The following TMEM183A variants were observed in gnomAD, a reference collection of about 807,000 sequenced individuals.
TMEM183A encodes chromosome 1 open reading frame 37.
Under a neutral mutation model 46.7 loss-of-function variants are expected in TMEM183A, and 21 were observed. The ratio of observed to expected loss-of-function variants is 0.45; its 90% CI spans 0.32 to 0.65. TMEM183A has a LOEUF of 0.65. Ranked by LOEUF, TMEM183A falls within the 30% of genes least tolerant of loss-of-function variation. TMEM183A has a pLI of 0.04. For synonymous variants in TMEM183A, 165 were observed against 180.2 expected, an observed-to-expected ratio of 0.92 and a Z score of 0.68; for missense variants, 331 against 481.9, an observed-to-expected ratio of 0.69 and a Z score of 2.93.
chr1:203,012,148 TCACACACACACA>T (rs767000280), intron 3 of TMEM183A, among the ~76,000 whole-genome samples: 1,627 of 79,442 alleles, frequency 0.02, 39 homozygotes, highest in African/African-American at 0.038. Context: ...CCCCACTCCA[TCACACACACACA>T]CACACACACA....
At position 203,007,814 on chromosome 1, in the gene TMEM183A, G is replaced by C; in HGVS notation, c.150G>C (p.Val50=). ...ADYANSDPAV[V]RSGRVKKAVA... ...ACGCCAACTCGGATCCGGCGGTCGT[G>C]AGGTCTGGACGAGTCAAGAAAGCCG... is the stretch of plus-strand genomic sequence containing the variant. The change falls in exon 2 of 8, where the codon GTG becomes GTC. Residue 50 remains valine (V), a synonymous_variant. Transcript: ENST00000367242. The C allele has an allele frequency of 1.2e-6, 2 of 1,614,026 alleles. No individual in the cohort carries two copies. Among genetic ancestry groups the C allele is most frequent in the Middle Eastern group, 1.7e-4 (1 of 6,056 alleles).
Position 203,023,198 on chromosome 1 carries a change from G to A in TMEM183A, c.*158G>A, listed in dbSNP as rs1204190187. On this transcript the variant is annotated 3_prime_UTR_variant, in exon 8 of 8. Transcript: ENST00000367242. ...AGGGGAGGGAGAAATGTTGAATCAAGAGGGAAAACAACTACTATGATTTAT... is the reference window on the plus strand; with the variant it reads ...AGGGGAGGGAGAAATGTTGAATCAAAAGGGAAAACAACTACTATGATTTAT... 1 of 524,386 alleles carries A rather than the reference G, an allele frequency of 1.9e-6. No homozygotes were observed. The highest frequency in any genetic ancestry group is 3.3e-6 in the Non-Finnish European group (1 of 307,232). 32.5% of individuals were successfully genotyped at this position (524,386 alleles called of 1,614,324 possible). A position where few individuals can be genotyped will look rare whatever the true frequency, so the allele number is the denominator to read the frequency against.
Position 203,020,956 on chromosome 1 carries a change from G to C in TMEM183A, c.945+8G>C, listed in dbSNP as rs748407328. 4 of 1,583,466 alleles carry C rather than the reference G, an allele frequency of 2.5e-6. No homozygotes were observed. The East Asian group carries it at 9.2e-5, about 36-fold the overall frequency. Reference sequence around the variant, plus strand: ...GGAATGATATTTACTCTGGTAAGTGGGGACTCAGGATGTCATTCTCAGCTC... The same window carrying C: ...GGAATGATATTTACTCTGGTAAGTGCGGACTCAGGATGTCATTCTCAGCTC... On this transcript the variant is annotated splice_region_variant and intron_variant, in intron 7 of 7. Transcript: ENST00000367242.
At position 203,008,537 on chromosome 1, in the gene TMEM183A, GT is replaced by G. The variant is rs3834027; in HGVS notation, c.200-98del. 575 of 944,364 alleles carry G rather than the reference GT, an allele frequency of 6.1e-4. 1 individual carries two copies. The highest frequency in any genetic ancestry group is 7.7e-4 in the Non-Finnish European group (548 of 713,312). 58.5% of individuals were successfully genotyped at this position (944,364 alleles called of 1,614,324 possible). A position where few individuals can be genotyped will look rare whatever the true frequency, so the allele number is the denominator to read the frequency against. On this transcript the variant is annotated intron_variant, in intron 2 of 7. Coordinates refer to ENST00000367242, the MANE Select transcript of TMEM183A (RefSeq NM_138391.6). The stretch of plus-strand genomic sequence containing the variant: ...ATTCTCACCTTTCTCTCTCAACGAT[GT>G]TTTTTTTCCCCCCTTTCCTGAATGG...
At chr1:203,017,810 CCCCTTAA>C in intron 5 of TMEM183A, 1 of 985,514 alleles carries the variant, frequency 1.0e-6, no homozygotes, top group Non-Finnish European at 1.2e-6. Flanking sequence ...GAAGTGTTTT[CCCCTTAA>C]AGCCAAGCCC....
intron 1 of TMEM183A, 35 bp downstream of exon 1, chr1:203,007,609 G>A (rs758853382): frequency 6.5e-7 from 1 of 1,530,602 alleles, no homozygotes; most frequent in Non-Finnish European, 8.8e-7. Flanking sequence ...GAAACATTTT[G>A]GGGGCTGGCG....
At chr1:203,007,979 A>G in intron 2 of TMEM183A, 116 bp downstream of exon 2, 1 of 1,304,522 alleles carries the variant, frequency 7.7e-7, no homozygotes, top group African/African-American at 1.5e-5. Context: ...TGCTTTCGTT[A>G]GTGTTAACTT....
chr1:203,011,840 A>G (rs1470594629), intron 3 of TMEM183A, among the ~76,000 whole-genome samples: 3 of 141,562 alleles, frequency 2.1e-5, no homozygotes, highest in South Asian at 2.3e-4. Flanking sequence ...CTTTACCTCC[A>G]TTAGGTTTCT....
intron 3 of TMEM183A, among the ~76,000 whole-genome samples, chr1:203,009,316 T>C (rs1656319330): frequency 6.6e-6 from 1 of 152,128 alleles, no homozygotes; most frequent in African/African-American, 2.4e-5. Flanking sequence ...TTGTGGGAAA[T>C]AGAAAAGTAG....
At chr1:203,015,806 G>A (rs969702313) in intron 4 of TMEM183A, 154 bp from the exon 5 acceptor site, 1 of 916,070 alleles carries the variant, frequency 1.1e-6, no homozygotes, top group African/African-American at 1.7e-5. Flanking sequence ...AGACGTAAAA[G>A]TCGCCAAGAG....
rs1656901029 is a variant in TMEM183A, at chr1:203,013,797, G to C, written c.368-1092G>C. ...CAAAGTGTTGGGATTACAGGCGTGAGCCACCGTGCCCGGCCTAAGTGCCAT... is the reference window on the plus strand; with the variant it reads ...CAAAGTGTTGGGATTACAGGCGTGACCCACCGTGCCCGGCCTAAGTGCCAT... On this transcript the variant is annotated intron_variant, in intron 3 of 7. Coordinates refer to ENST00000367242, the MANE Select transcript of TMEM183A (RefSeq NM_138391.6). The surrounding 1 kb of genome is among the most constrained non-coding windows in gnomAD (Gnocchi z 4.0). Among the ~76,000 whole-genome samples the C allele has an allele frequency of 6.6e-6, 1 of 151,324 alleles. No individual in the cohort carries two copies. The highest frequency in any genetic ancestry group is 2.1e-4 in the South Asian group (1 of 4,788).
chr1:203,017,031 TA>T (rs1657232053), intron 5 of TMEM183A, among the ~76,000 whole-genome samples: 1 of 152,198 alleles, frequency 6.6e-6, no homozygotes, highest in Non-Finnish European at 1.5e-5. Context: ...ATATCCTACC[TA>T]ATACATATTA....
intron 4 of TMEM183A, 23 bp downstream of exon 4, chr1:203,015,071 C>CT: frequency 6.2e-7 from 1 of 1,607,140 alleles, no homozygotes; most frequent in Non-Finnish European, 8.5e-7. Context: ...AGAGCTCACT[C>CT]TTTTATCTGT....
rs139368177 is a variant in TMEM183A, at chr1:203,011,403, C to A, written c.367+2593C>A. 2.8e-3 allele frequency among the ~76,000 whole-genome samples: 428 copies of A among 152,040 alleles called. 2 individuals carry two copies. The highest frequency in any genetic ancestry group is 8.8e-3 in the African/African-American group (365 of 41,478). On this transcript the variant is annotated intron_variant, in intron 3 of 7. Transcript: ENST00000367242. ...CATTTTTAAATTGGGTTATCTTCTT[C>A]TTATTATTTTTTTATTTTTTGAGAT...
chr1:203,021,080 G>C, intron 7 of TMEM183A, 132 bp downstream of exon 7: 1 of 1,021,918 alleles, frequency 9.8e-7, no homozygotes, highest in East Asian at 2.8e-5. Context: ...CACTCAGGCT[G>C]AAGTGCAGTG....
chr1:203,022,628 A>G (rs1338674604), intron 7 of TMEM183A, among the ~76,000 whole-genome samples: 3 of 151,572 alleles, frequency 2.0e-5, no homozygotes, highest in Admixed American at 2.0e-4. Context: ...GTTTGATCCC[A>G]GGAGGCGGAG....
intron 4 of TMEM183A, chr1:203,015,417 G>A (rs1657078074): frequency 3.7e-6 from 1 of 272,664 alleles, no homozygotes; most frequent in Non-Finnish European, 7.0e-6. Flanking sequence ...GCTTAGATTT[G>A]CTAGTTGTCT....
rs34779153 is a variant in TMEM183A, at chr1:203,021,047, T to TA, written c.945+101dup. On this transcript the variant is annotated intron_variant, in intron 7 of 7. Coordinates refer to ENST00000367242, the MANE Select transcript of TMEM183A (RefSeq NM_138391.6). ...CAGCTCTTTTTTTTTTTTTTTTTTT[T>TA]AAGAGACGTGGTCTCACTCTGTCAC... is the stretch of plus-strand genomic sequence containing the variant. 5.3e-4 allele frequency: 595 copies of TA among 1,116,852 alleles called. 5 individuals are homozygous for TA. The African/African-American group carries it at 8.9e-3, about 17-fold the overall frequency. 69.2% of individuals were successfully genotyped at this position (1,116,852 alleles called of 1,614,324 possible).
chr1:203,019,579 T>C (rs900002964), intron 6 of TMEM183A, among the ~76,000 whole-genome samples: 1 of 152,200 alleles, frequency 6.6e-6, no homozygotes, highest in Non-Finnish European at 1.5e-5. Flanking sequence ...TACAGGATAG[T>C]GGAAGTCTTA....
Sources: allele counts gnomAD v4.1 joint callset (sites outside exome capture counted in the v4.1 genomes callset), GRCh38; gene constraint gnomAD v4.1.1; non-coding constraint Gnocchi (gnomAD v3.1); transcripts MANE v1.5; gene names NCBI Gene and HGNC (gene_info 2026-07-23, HGNC 2026-07-21).